Variants in ASXL1 observed in about 807,000 individuals in gnomAD.
ASXL1 encodes ASXL transcriptional regulator 1, also known as polycomb group protein ASXL1.
A neutral mutation model predicts 89.1 loss-of-function variants in ASXL1; 65 were observed. The observed-to-expected ratio is 0.73, with a 90% CI of 0.60 to 0.90. The LOEUF (loss-of-function observed/expected upper bound fraction) is 0.90. Ranked by LOEUF, ASXL1 falls within the 40% of genes least tolerant of loss-of-function variation. The pLI, the probability that ASXL1 is intolerant of heterozygous loss-of-function variation, is 0.00. For missense variants in ASXL1, 1,786 were observed against 1,942.9 expected (o/e 0.92, Z 1.52); for synonymous variants, 739 against 746.9 (o/e 0.99, Z 0.17).
intron 4 of ASXL1, among the ~76,000 whole-genome samples, chr20:32,418,996 C>T (rs144114188): frequency 5.9e-5 from 9 of 151,804 alleles, no homozygotes; most frequent in African/African-American, 2.2e-4. Flanking sequence ...CCATGTCTGG[C>T]TAATTATTGT....
chr20:32,397,566 G>C (rs2048792276), intron 4 of ASXL1, among the ~76,000 whole-genome samples: 1 of 151,660 alleles, frequency 6.6e-6, no homozygotes, highest in African/African-American at 2.4e-5. Context: ...CTCCCAGCTA[G>C]TTTTTTGTAT....
At chr20:32,391,043 A>G (rs1277194557) in intron 4 of ASXL1, among the ~76,000 whole-genome samples, 3 of 151,202 alleles carry the variant, frequency 2.0e-5, no homozygotes, top group Non-Finnish European at 4.4e-5. Flanking sequence ...GCACACCACC[A>G]TGTTCAGCTA....
intron 4 of ASXL1, among the ~76,000 whole-genome samples, chr20:32,399,180 T>C (rs1052227681): frequency 1.3e-5 from 2 of 151,580 alleles, no homozygotes; most frequent in African/African-American, 4.8e-5. Context: ...CACTGCACTC[T>C]AGCCTGGGCG....
intron 4 of ASXL1, among the ~76,000 whole-genome samples, chr20:32,376,116 A>G (rs184585422): frequency 8.1e-4 from 123 of 152,328 alleles, no homozygotes; most frequent in African/African-American, 2.8e-3. Flanking sequence ...GGTTGTCCAA[A>G]GGATTCAGCA....
At position 32,437,078 on chromosome 20, in the gene ASXL1, T is replaced by C. The variant is rs1297604770; in HGVS notation, c.4366T>C (p.Tyr1456His). The C allele has an allele frequency of 1.9e-6, 3 of 1,614,056 alleles. No homozygotes were observed. Among genetic ancestry groups the C allele is most frequent in the Non-Finnish European group, 2.5e-6 (3 of 1,180,052 alleles). Residue 1456 changes from tyrosine to histidine, a missense_variant, in exon 13 of 13, where the codon TAT becomes CAT. Tyr to His is a moderately conservative substitution (Grantham distance 83). Transcript: ENST00000375687. ...KLQLSSTSFN[Y>H]SSSSPTFPKG... ...CCAACTGAGTTCCACCAGCTTTAAT[T>C]ATTCCTCTAGCTCTCCCACCTTTCC...
intron 4 of ASXL1, among the ~76,000 whole-genome samples, chr20:32,382,785 CA>C (rs1004533880): frequency 2.0e-5 from 3 of 151,446 alleles, no homozygotes; most frequent in African/African-American, 7.3e-5. Flanking sequence ...GACCCTGTCT[CA>C]AAAAAAATGA....
At chr20:32,425,179 G>A (rs186245119) in intron 4 of ASXL1, among the ~76,000 whole-genome samples, 64 of 152,236 alleles carry the variant, frequency 4.2e-4, no homozygotes, top group African/African-American at 1.3e-3. Flanking sequence ...CATCTATGTC[G>A]TTAGTAGCTA....
Position 32,415,927 on chromosome 20 carries a change from A to T in ASXL1, c.253-12201A>T, listed in dbSNP as rs563047414. Among the ~76,000 whole-genome samples, 5 of 152,260 alleles carry T rather than the reference A, an allele frequency of 3.3e-5. No individual in the cohort carries two copies. The East Asian group carries it at 7.7e-4, about 23-fold the overall frequency. On this transcript the variant is annotated intron_variant, in intron 4 of 12. Coordinates refer to ENST00000375687, the MANE Select transcript of ASXL1 (RefSeq NM_015338.6). ...AAACAAAAGAAAAGAAAAAATATTT[A>T]AAAAAGAAAACAAAAACAAAAACAA... is the stretch of plus-strand genomic sequence containing the variant.
chr20:32,420,688 C>T (rs982635870), intron 4 of ASXL1, among the ~76,000 whole-genome samples: 1 of 151,772 alleles, frequency 6.6e-6, no homozygotes, highest in African/African-American at 2.4e-5. Context: ...AATTTCTTTC[C>T]ATATAAAAAT....
intron 4 of ASXL1, among the ~76,000 whole-genome samples, chr20:32,384,494 C>G (rs2048544822): frequency 6.6e-6 from 1 of 152,180 alleles, no homozygotes; most frequent in South Asian, 2.1e-4. Context: ...CCGTGCCCGG[C>G]CAGCAATCTG....
intron 4 of ASXL1, among the ~76,000 whole-genome samples, chr20:32,396,287 G>A (rs1036940770): frequency 6.6e-6 from 1 of 152,052 alleles, no homozygotes; most frequent in African/African-American, 2.4e-5. Context: ...AATAAATTCT[G>A]TTTAGATGAA....
intron 1 of ASXL1, chr20:32,360,587 G>A (rs1042637822): frequency 6.5e-6 from 1 of 152,874 alleles, no homozygotes; most frequent in Admixed American, 6.5e-5. Flanking sequence ...CTTGTTAGAG[G>A]TAGGTGAAAG....
At chr20:32,424,981 C>T (rs2011232981) in intron 4 of ASXL1, among the ~76,000 whole-genome samples, 1 of 152,178 alleles carries the variant, frequency 6.6e-6, no homozygotes, top group South Asian at 2.1e-4. Context: ...CCCATTCTTC[C>T]AGCTGAAGGT....
At chr20:32,369,409 C>T (rs1202337368) in intron 4 of ASXL1, among the ~76,000 whole-genome samples, 3 of 151,942 alleles carry the variant, frequency 2.0e-5, no homozygotes, top group African/African-American at 4.8e-5. Flanking sequence ...CCACCATGCT[C>T]GGCTAATTTT....
chr20:32,430,605 C>T (rs2011486540), intron 8 of ASXL1: 1 of 172,974 alleles, frequency 5.8e-6, no homozygotes, highest in South Asian at 1.9e-4. Context: ...TTTGCTATTT[C>T]AGGATTTAAT....
At position 32,433,700 on chromosome 20, in the gene ASXL1, C is replaced by G. The variant is rs2123265166; in HGVS notation, c.1502C>G (p.Ser501Cys). Reference sequence around the variant, plus strand: ...GAGCCAGACAACTTGGCACGTGCCTCTGCATCTCCAGACAGAATTCCTAGC... The same window carrying G: ...GAGCCAGACAACTTGGCACGTGCCTGTGCATCTCCAGACAGAATTCCTAGC... Reference protein sequence around the residue: ...QAEPDNLARASASPDRIPSLP... With the variant: ...QAEPDNLARACASPDRIPSLP... Residue 501 changes from serine to cysteine, a missense_variant, in exon 12 of 13, where the codon TCT becomes TGT. This residue lies in a region of ASXL1 where 1,418 missense variants were observed against 1,427.8 expected (regional missense o/e 0.99). Coordinates refer to ENST00000375687, the MANE Select transcript of ASXL1 (RefSeq NM_015338.6). 3 of 1,612,072 alleles carry G rather than the reference C, an allele frequency of 1.9e-6. No individual in the cohort carries two copies. The highest frequency in any genetic ancestry group is 2.5e-6 in the Non-Finnish European group (3 of 1,178,384).
At position 32,432,881 on chromosome 20, in the gene ASXL1, T is replaced by G; in HGVS notation, c.981T>G (p.Gly327=). ...TAGAAGAGGTTTATTTCTCCCTAGG[T>G]GAATTTACTCATGAGATGCAAGTCA... is the stretch of plus-strand genomic sequence containing the variant. The part of the protein sequence containing the change: ...AQSWRERLAD[G]EFTHEMQVRI... Residue 327 remains glycine (G), a splice_region_variant and synonymous_variant, in exon 11 of 13, where the codon GGT becomes GGG. Transcript: ENST00000375687. The G allele has an allele frequency of 1.2e-6, 2 of 1,613,782 alleles. No individual in the cohort carries two copies. Among genetic ancestry groups the G allele is most frequent in the Non-Finnish European group, 1.7e-6 (2 of 1,179,950 alleles).
chr20:32,380,020 C>T (rs569673174), intron 4 of ASXL1, among the ~76,000 whole-genome samples: 1 of 141,576 alleles, frequency 7.1e-6, no homozygotes, highest in East Asian at 2.1e-4. Flanking sequence ...GGTGGCTCAC[C>T]CCTGTAATCC....
At chr20:32,366,362 T>G (rs1272536034) in intron 1 of ASXL1, 22 bp from the exon 2 acceptor site, 2 of 1,580,292 alleles carry the variant, frequency 1.3e-6, no homozygotes, top group South Asian at 2.2e-5. Context: ...ACACTGAAAT[T>G]AGGACGTTTA....
Sources: allele counts gnomAD v4.1 joint callset (sites outside exome capture counted in the v4.1 genomes callset), GRCh38; gene constraint gnomAD v4.1.1; regional missense constraint gnomAD v4.1.1; transcripts MANE v1.5; gene names NCBI Gene and HGNC (gene_info 2026-07-23, HGNC 2026-07-21).